The following NBEA variants were observed in gnomAD, a reference collection of about 807,000 sequenced individuals.
NBEA encodes neurobeachin, also known as lysosomal-trafficking regulator 2.
A neutral mutation model predicts 343.4 loss-of-function variants in NBEA; 44 were observed. The observed-to-expected ratio is 0.13, with a 90% confidence interval of 0.10 to 0.16. NBEA has a LOEUF of 0.16. Ranked by LOEUF, NBEA falls within the 10% of genes least tolerant of loss-of-function variation. NBEA has a pLI of 1.00. For synonymous variants in NBEA, 1,175 were observed against 1,238.7 expected, an observed-to-expected ratio of 0.95 and a Z score of 1.08; for missense variants, 2,555 against 3,631.3, an observed-to-expected ratio of 0.70 and a Z score of 7.62.
At chr13:35,077,098 A>G (rs948643929) in intron 10 of NBEA, among the ~76,000 whole-genome samples, 1 of 152,064 alleles carries the variant, frequency 6.6e-6, no homozygotes, top group Admixed American at 6.6e-5. Context: ...CATAACATGT[A>G]ATGAATGGAA....
intron 1 of NBEA, among the ~76,000 whole-genome samples, chr13:35,006,166 T>TAAATAAAAA: frequency 6.6e-6 from 1 of 152,184 alleles, no homozygotes; most frequent in Admixed American, 6.5e-5. Context: ...CAAGTAGCTT[T>TAAATAAAAA]TTATTTGTCA....
chr13:35,338,299 G>T (rs1335876511), intron 36 of NBEA, among the ~76,000 whole-genome samples: 1 of 151,604 alleles, frequency 6.6e-6, no homozygotes, highest in Admixed American at 6.6e-5. Context: ...AAAGAAAAAA[G>T]ATTATAAGGG....
chr13:35,633,148 G>T (rs912637745), intron 49 of NBEA, among the ~76,000 whole-genome samples: 1 of 151,586 alleles, frequency 6.6e-6, no homozygotes, highest in African/African-American at 2.4e-5. Flanking sequence ...TGTCGCCCAG[G>T]CTGAAGTGCA....
chr13:35,181,540 T>C (rs1369791990), intron 28 of NBEA, among the ~76,000 whole-genome samples: 1 of 151,778 alleles, frequency 6.6e-6, no homozygotes, highest in East Asian at 1.9e-4. Context: ...TTTGAGTTCC[T>C]TGTAGATTGT....
intron 49 of NBEA, among the ~76,000 whole-genome samples, chr13:35,643,844 G>C (rs1242068945): frequency 6.6e-6 from 1 of 152,136 alleles, no homozygotes; most frequent in Non-Finnish European, 1.5e-5. Flanking sequence ...TGAGTTCTGC[G>C]TGTCACCAGG....
intron 38 of NBEA, among the ~76,000 whole-genome samples, chr13:35,423,751 T>C (rs977703097): frequency 1.1e-4 from 17 of 152,162 alleles, no homozygotes; most frequent in Non-Finnish European, 2.4e-4. Context: ...AGTATGGCCA[T>C]TTTCACGATA....
At chr13:35,276,290 A>G (rs2034582342) in intron 34 of NBEA, among the ~76,000 whole-genome samples, 1 of 152,094 alleles carries the variant, frequency 6.6e-6, no homozygotes, top group Admixed American at 6.6e-5. Context: ...AATGCGAACC[A>G]GGAAAATACC....
At chr13:35,553,157 G>T (rs1269027726) in intron 43 of NBEA, among the ~76,000 whole-genome samples, 8 of 152,090 alleles carry the variant, frequency 5.3e-5, no homozygotes, top group Admixed American at 3.9e-4. Flanking sequence ...CTCCCGAAGT[G>T]CTGGGATTAC....
At chr13:35,403,926 C>CA (rs1225216639) in intron 38 of NBEA, among the ~76,000 whole-genome samples, 35 of 152,144 alleles carry the variant, frequency 2.3e-4, no homozygotes, top group Non-Finnish European at 4.4e-5. Flanking sequence ...ACAACACCAT[C>CA]AAAAAGTGGG....
intron 31 of NBEA, among the ~76,000 whole-genome samples, chr13:35,204,975 T>A (rs1030588687): frequency 2.0e-5 from 3 of 152,066 alleles, no homozygotes; most frequent in African/African-American, 7.2e-5. Flanking sequence ...GAGTTGAAAA[T>A]TTTTACTCTC....
At chr13:35,582,256 A>G (rs1213085289) in intron 45 of NBEA, among the ~76,000 whole-genome samples, 2 of 152,224 alleles carry the variant, frequency 1.3e-5, no homozygotes, top group African/African-American at 2.4e-5. Flanking sequence ...ACTGCACTCC[A>G]GCCTAGGCAA....
chr13:35,048,763 G>A (rs2062954756), intron 5 of NBEA, 79 bp downstream of exon 5: 2 of 796,470 alleles, frequency 2.5e-6, no homozygotes, highest in South Asian at 2.0e-5. Context: ...AGGCAACTTA[G>A]ATAGAATATA....
rs1265654873 is a variant in NBEA at position 34,962,520 on chromosome 13, C to T, written c.294+19406C>T. Among the ~76,000 whole-genome samples the T allele has an allele frequency of 2.0e-5, 3 of 151,988 alleles. No individual in the cohort carries two copies. In the East Asian group the frequency reaches 5.8e-4, roughly 29 times the overall value. On this transcript the variant is annotated intron_variant, in intron 1 of 58. Transcript: ENST00000379939. ...AATTTAAAATACATTTTATTGTCAG[C>T]AAATACTTTGAAAGGAAAATTGAAA...
At chr13:35,064,826 A>G (rs550692458) in intron 8 of NBEA, among the ~76,000 whole-genome samples, 1 of 151,926 alleles carries the variant, frequency 6.6e-6, no homozygotes, top group South Asian at 2.1e-4. Context: ...ACTGTCTTCA[A>G]ACCAAGGAGA....
chr13:35,173,519 G>A lies in NBEA; in HGVS notation c.4479G>A (p.Arg1493=). The change falls in exon 27 of 59, where the codon AGG becomes AGA. Residue 1493 remains arginine, a synonymous_variant. Transcript: ENST00000379939. ...CLECRQRQRD[R]GNKSSHGSSK... The stretch of plus-strand genomic sequence containing the variant: ...AATGTCGGCAAAGACAGAGAGACAG[G>A]GGAAATAAATCTTCCCATGGAAGCA... 1 of 1,610,884 alleles carries A rather than the reference G, an allele frequency of 6.2e-7. No homozygotes were observed. The highest frequency in any genetic ancestry group is 8.5e-7 in the Non-Finnish European group (1 of 1,178,030).
At chr13:35,069,694 G>A (rs1266670570) in intron 8 of NBEA, among the ~76,000 whole-genome samples, 1 of 152,014 alleles carries the variant, frequency 6.6e-6, no homozygotes, top group Non-Finnish European at 1.5e-5. Flanking sequence ...CTTTAAATTA[G>A]AAAATGAAGA....
chr13:35,513,302 A>T (rs113122525), intron 41 of NBEA, among the ~76,000 whole-genome samples: 1,165 of 72,268 alleles, frequency 0.016, 40 homozygotes, highest in African/African-American at 0.066. Context: ...ACACCTGGCA[A>T]TTTTTTTTTT....
chr13:35,142,174 T>C, intron 17 of NBEA, 95 bp from the exon 18 acceptor site: 1 of 650,688 alleles, frequency 1.5e-6, no homozygotes, highest in Non-Finnish European at 2.7e-6. Flanking sequence ...TATTATTCTG[T>C]ATCTGCTTAT....
At chr13:35,171,871 A>C (rs2070487090) in intron 26 of NBEA, among the ~76,000 whole-genome samples, 1 of 152,070 alleles carries the variant, frequency 6.6e-6, no homozygotes, top group African/African-American at 2.4e-5. Context: ...AAACTATCCC[A>C]ATCTTACTGT....
Sources: gnomAD v4.1 joint callset for allele counts (sites outside exome capture counted in the v4.1 genomes callset) on GRCh38, gnomAD v4.1.1 for gene constraint, MANE v1.5 for transcripts, NCBI Gene and HGNC (gene_info 2026-07-23, HGNC 2026-07-21) for gene names.